CTXND2: variants seen among roughly 807,000 people sequenced by gnomAD.
CTXND2 encodes cortexin domain containing 2.
chr1:150,895,049 AT>A (rs1478852792), intron 1 of CTXND2, among the ~76,000 whole-genome samples: 6 of 151,470 alleles, frequency 4.0e-5, no homozygotes, highest in African/African-American at 7.3e-5. Context: ...AAACATATAT[AT>A]ATACATATAT....
At chr1:150,890,717 G>A (rs1668839275) in intron 1 of CTXND2, among the ~76,000 whole-genome samples, 1 of 151,954 alleles carries the variant, frequency 6.6e-6, no homozygotes, top group African/African-American at 2.4e-5. Flanking sequence ...TGGTTAGACT[G>A]GTCTTGAACT....
intron 1 of CTXND2, among the ~76,000 whole-genome samples, chr1:150,903,061 C>T (rs1165323085): frequency 6.6e-6 from 1 of 152,110 alleles, no homozygotes; most frequent in African/African-American, 2.4e-5. Flanking sequence ...ACATAGGGCT[C>T]CTGCTATCTA....
chr1:150,900,876 A>C (rs933669720), intron 1 of CTXND2, among the ~76,000 whole-genome samples: 1 of 152,216 alleles, frequency 6.6e-6, no homozygotes, highest in Admixed American at 6.5e-5. Flanking sequence ...TCACGCCTGT[A>C]ATCCAAAGTG....
At chr1:150,900,109 A>G (rs922133085) in intron 1 of CTXND2, among the ~76,000 whole-genome samples, 5 of 152,046 alleles carry the variant, frequency 3.3e-5, no homozygotes, top group Non-Finnish European at 2.9e-5. Flanking sequence ...GTCCCTTTCC[A>G]CCGTGTGGAG....
intron 1 of CTXND2, among the ~76,000 whole-genome samples, chr1:150,894,695 T>C (rs1449341328): frequency 6.6e-6 from 1 of 152,184 alleles, no homozygotes; most frequent in Non-Finnish European, 1.5e-5. Flanking sequence ...ATCTTCCTAC[T>C]GAATTGAACC....
chr1:150,893,383 G>T (rs976042529), intron 1 of CTXND2, among the ~76,000 whole-genome samples: 3 of 152,030 alleles, frequency 2.0e-5, no homozygotes, highest in African/African-American at 7.2e-5. Context: ...TTAATATAGT[G>T]AACATTTTTG....
At chr1:150,909,073 T>C (rs994348018) in intron 1 of CTXND2, among the ~76,000 whole-genome samples, 4 of 148,786 alleles carry the variant, frequency 2.7e-5, no homozygotes, top group Non-Finnish European at 4.5e-5. Context: ...AACCCGACTC[T>C]ACTAAAAATA....
intron 1 of CTXND2, among the ~76,000 whole-genome samples, chr1:150,905,033 A>G (rs1669110662): frequency 6.8e-6 from 1 of 147,776 alleles, no homozygotes; most frequent in East Asian, 2.0e-4. Context: ...ATTATGTGTG[A>G]TCATAAGACA....
intron 1 of CTXND2, among the ~76,000 whole-genome samples, chr1:150,906,964 C>T (rs189480242): frequency 5.1e-4 from 77 of 152,222 alleles, no homozygotes; most frequent in Non-Finnish European, 8.7e-4. Context: ...TCTGAAACCA[C>T]CAGATCTAAC....
intron 1 of CTXND2, among the ~76,000 whole-genome samples, chr1:150,901,178 A>T (rs1669020524): frequency 6.7e-6 from 1 of 149,214 alleles, no homozygotes; most frequent in Non-Finnish European, 1.5e-5. Context: ...AAATAGGAAT[A>T]CATTTAAGAA....
At chr1:150,905,237 G>T (rs191489149) in intron 1 of CTXND2, among the ~76,000 whole-genome samples, 1 of 150,580 alleles carries the variant, frequency 6.6e-6, no homozygotes, top group Non-Finnish European at 1.5e-5. Context: ...TCTACCTCCC[G>T]GATTCAAGTC....
rs1038035904 is a variant in CTXND2 at position 150,889,862 on chromosome 1, C to A, written c.-74+2549C>A. ...AAAATATGCCAGCCCTCCCCAGGCA[C>A]TGAATCCATGCTATGAATGGGACAG... On this transcript the variant is annotated intron_variant, in intron 1 of 1. Coordinates refer to ENST00000636087, the Ensembl canonical transcript of CTXND2. Among the ~76,000 whole-genome samples the A allele has an allele frequency of 2.0e-4, 31 of 152,036 alleles. 2 individuals carry two copies. Among genetic ancestry groups the A allele is most frequent in the Admixed American group, 2.0e-4 (3 of 15,232 alleles).
At chr1:150,904,776 G>A (rs1201758927) in intron 1 of CTXND2, among the ~76,000 whole-genome samples, 1 of 152,118 alleles carries the variant, frequency 6.6e-6, no homozygotes, top group Non-Finnish European at 1.5e-5. Flanking sequence ...TGTTTTATGT[G>A]TAATATCAAA....
rs587766519 is a variant in CTXND2 at position 150,900,414 on chromosome 1, C to G, written c.-73-11828C>G. 2.6e-5 allele frequency among the ~76,000 whole-genome samples: 4 copies of G among 152,332 alleles called. No homozygotes were observed. The East Asian group carries it at 7.7e-4, about 29-fold the overall frequency. On this transcript the variant is annotated intron_variant, in intron 1 of 1. Transcript: ENST00000636087. Reference sequence around the variant, plus strand: ...CTGGAAGGAACAAACGTTGGACACACCATCTTTAAGAACTGTAACACTCAC... The same window carrying G: ...CTGGAAGGAACAAACGTTGGACACAGCATCTTTAAGAACTGTAACACTCAC...
At chr1:150,898,444 T>C (rs1327497312) in intron 1 of CTXND2, among the ~76,000 whole-genome samples, 1 of 152,042 alleles carries the variant, frequency 6.6e-6, no homozygotes, top group East Asian at 1.9e-4. Context: ...AGTCCATATC[T>C]GGCCCTCAAG....
chr1:150,901,063 G>A (rs587595690), intron 1 of CTXND2, among the ~76,000 whole-genome samples: 5 of 152,224 alleles, frequency 3.3e-5, no homozygotes, highest in East Asian at 3.9e-4. Flanking sequence ...AGTGAGCCAC[G>A]ATCATGCCAC....
At chr1:150,910,312 T>A (rs1669229354) in intron 1 of CTXND2, among the ~76,000 whole-genome samples, 1 of 142,562 alleles carries the variant, frequency 7.0e-6, no homozygotes, top group Non-Finnish European at 1.5e-5. Flanking sequence ...ATATTTTTAG[T>A]AGACATGGGG....
chr1:150,898,528 C>T lies in CTXND2; in HGVS notation c.-74+11215C>T, dbSNP rs587686007. Among the ~76,000 whole-genome samples the T allele has an allele frequency of 1.9e-3, 289 of 152,068 alleles. 1 individual carries two copies. Among genetic ancestry groups the T allele is most frequent in the African/African-American group, 6.6e-3 (272 of 41,486 alleles). On this transcript the variant is annotated intron_variant, in intron 1 of 1. Transcript: ENST00000636087. The stretch of plus-strand genomic sequence containing the variant: ...ATCCCAGCACGTTGGGAGGTCAAGG[C>T]GGGCGGATCACAAGGTCAAGAGATG...
intron 1 of CTXND2, among the ~76,000 whole-genome samples, chr1:150,899,588 G>C (rs1668965300): frequency 6.6e-6 from 1 of 152,046 alleles, no homozygotes; most frequent in African/African-American, 2.4e-5. Context: ...AAAATTCAGA[G>C]GTAATAAAAG....
Sources: gnomAD v4.1 joint callset for allele counts (sites outside exome capture counted in the v4.1 genomes callset) on GRCh38, gnomAD v4.1.1 for gene constraint, MANE v1.5 for transcripts, NCBI Gene and HGNC (gene_info 2026-07-23, HGNC 2026-07-21) for gene names.